The following C5orf34 variants were observed in gnomAD, a reference collection of about 807,000 sequenced individuals.
C5orf34 encodes the protein chromosome 5 open reading frame 34.
C5orf34 carries 73 observed loss-of-function variants against 78.4 expected under a neutral mutation model. The observed-to-expected ratio is 0.93, with a 90% CI of 0.77 to 1.13. The LOEUF is 1.13. C5orf34 is among the 50% of genes most tolerant of loss of function. The probability of loss-of-function intolerance (pLI) is 0.00; values close to 1 mark genes in which losing one functional copy is unlikely to be tolerated. For missense variants in C5orf34, 730 were observed against 732.7 expected, an observed-to-expected ratio of 1.00 and a Z score of 0.04; for synonymous variants, 251 against 246.6, an observed-to-expected ratio of 1.02 and a Z score of -0.17.
intron 3 of C5orf34, 43 bp from the exon 4 acceptor site, chr5:43,506,437 A>G: frequency 1.3e-6 from 2 of 1,519,776 alleles, no homozygotes; most frequent in Non-Finnish European, 1.8e-6. Context: ...TTTTCTGTTA[A>G]CAGTCCAATT....
rs755120112 is a variant in C5orf34, at chr5:43,493,556, C to G, written c.1301G>C (p.Cys434Ser). Residue 434 changes from cysteine to serine, a missense_variant, in exon 8 of 13, where the codon TGC becomes TCC. Coordinates refer to ENST00000306862, the MANE Select transcript of C5orf34 (RefSeq NM_198566.4). ...RLSLSHNYRI[C>S]CWKMVPGIND... Reference sequence around the variant, plus strand: ...ATTTTAACATACCATTTTCCAGCAGCATATACGATAGTTATGGCTTAAAGA... The same window carrying G: ...ATTTTAACATACCATTTTCCAGCAGGATATACGATAGTTATGGCTTAAAGA... The G allele has an allele frequency of 7.0e-6, 11 of 1,560,514 alleles. No individual in the cohort carries two copies. Among genetic ancestry groups the G allele is most frequent in the Non-Finnish European group, 9.6e-6 (11 of 1,142,422 alleles).
intron 3 of C5orf34, among the ~76,000 whole-genome samples, chr5:43,507,875 G>A (rs2112326681): frequency 6.6e-6 from 1 of 152,102 alleles, no homozygotes; most frequent in East Asian, 1.9e-4. Flanking sequence ...TCAGGAGATC[G>A]AGACCATGCT....
intron 11 of C5orf34, 185 bp from the exon 12 acceptor site, chr5:43,488,134 C>A: frequency 1.8e-6 from 1 of 571,210 alleles, no homozygotes; most frequent in Non-Finnish European, 3.1e-6. Flanking sequence ...TTACTGAGTG[C>A]CTTTAAAGGT....
chr5:43,495,155 C>A (rs1333819694), intron 6 of C5orf34: 6 of 1,607,812 alleles, frequency 3.7e-6, no homozygotes. Flanking sequence ...TTTGATGACA[C>A]CCACCGCAAC....
At chr5:43,488,898 T>C (rs34211578) in intron 11 of C5orf34, among the ~76,000 whole-genome samples, 2,092 of 152,228 alleles carry the variant, frequency 0.014, 56 homozygotes, top group East Asian at 0.13. Context: ...CAGTTCGTAG[T>C]AGGTTGTGTG....
intron 10 of C5orf34, among the ~76,000 whole-genome samples, chr5:43,491,090 A>T (rs1745261513): frequency 6.6e-6 from 1 of 152,322 alleles, no homozygotes; most frequent in South Asian, 2.1e-4. Flanking sequence ...TTCACACAAA[A>T]TAAGACTGAC....
intron 6 of C5orf34, among the ~76,000 whole-genome samples, chr5:43,501,203 C>T (rs1448290959): frequency 2.0e-5 from 3 of 152,060 alleles, no homozygotes. Flanking sequence ...ATACAGCAGT[C>T]AGCAATATGA....
chr5:43,505,369 A>T lies in C5orf34; in HGVS notation c.932+379T>A, dbSNP rs570563981. Among the ~76,000 whole-genome samples, 13 of 152,356 alleles carry T rather than the reference A, an allele frequency of 8.5e-5. No individual in the cohort carries two copies. The South Asian group carries it at 2.1e-3, about 24-fold the overall frequency. On this transcript the variant is annotated intron_variant, in intron 4 of 12. Transcript: ENST00000306862. ...GTCACGGGCTCCAGTGAGCGGCAGC[A>T]GGTGCTCCCCTGGGCCCACAGAGCC... is the stretch of plus-strand genomic sequence containing the variant.
At chr5:43,495,186 C>T in intron 6 of C5orf34, 1 of 1,611,370 alleles carries the variant, frequency 6.2e-7, no homozygotes, top group East Asian at 2.2e-5. Context: ...ATATCACGAA[C>T]AGCAAAATGA....
chr5:43,492,043 A>G (rs1245072633), intron 10 of C5orf34, among the ~76,000 whole-genome samples, 172 bp downstream of exon 10: 1 of 150,186 alleles, frequency 6.7e-6, no homozygotes, highest in African/African-American at 2.4e-5. Flanking sequence ...TGATCTATTT[A>G]GTTATGCTAA....
At chr5:43,496,320 C>T in intron 6 of C5orf34, 1 of 1,585,568 alleles carries the variant, frequency 6.3e-7, no homozygotes, top group Non-Finnish European at 8.6e-7. Context: ...TCTCAGCAGC[C>T]TCCTTCTCAA....
rs192577001 is a variant in C5orf34 at position 43,502,505 on chromosome 5, A to G, written c.1029-10T>C. 9,847 of 1,503,410 alleles carry G rather than the reference A, an allele frequency of 6.5e-3. 47 individuals carry two copies. Among genetic ancestry groups the G allele is most frequent in the Non-Finnish European group, 8.0e-3 (8,792 of 1,105,610 alleles). The allele number at this position is 1,503,410 out of a possible 1,614,324, so 93.1% of individuals were successfully genotyped here. The stretch of plus-strand genomic sequence containing the variant: ...ATTTTGATGGGTAAGTCTAAGAAAT[A>G]GAAATAACCATTAAAAATTTTTTTC... On this transcript the variant is annotated splice_polypyrimidine_tract_variant and intron_variant, in intron 5 of 12. Coordinates refer to ENST00000306862, the MANE Select transcript of C5orf34 (RefSeq NM_198566.4).
intron 10 of C5orf34, among the ~76,000 whole-genome samples, chr5:43,491,030 A>C (rs944123147): frequency 6.6e-6 from 1 of 152,200 alleles, no homozygotes; most frequent in African/African-American, 2.4e-5. Context: ...AAATGTTCTA[A>C]TTCTTTTAGT....
Position 43,506,054 on chromosome 5 carries a change from A to T in C5orf34, c.626T>A (p.Leu209Ter). 1 of 1,614,124 alleles carries T rather than the reference A, an allele frequency of 6.2e-7. No homozygotes were observed. Residue 209 changes from leucine (L) to a stop codon, truncating the protein, a stop_gained, in exon 4 of 13, where the codon TTA becomes TAA. Coordinates refer to ENST00000306862, the MANE Select transcript of C5orf34 (RefSeq NM_198566.4). LOFTEE classifies it high-confidence loss of function. ...HCQIMKSKET[L>*]KKMSCVNGTE... is the part of the protein sequence containing the mutation. ...TCCATTTACACAACTCATCTTCTTT[A>T]AAGTTTCTTTGGATTTCATGATCTG...
chr5:43,487,043 G>T lies in C5orf34; in HGVS notation c.1789C>A (p.His597Asn), dbSNP rs1745098924. 6.3e-7 allele frequency: 1 copy of T among 1,585,118 alleles called. No homozygotes were observed. The highest frequency in any genetic ancestry group is 2.3e-5 in the East Asian group (1 of 43,096). The change falls in exon 13 of 13, where the codon CAT becomes AAT. Residue 597 changes from histidine to asparagine, a missense_variant. Transcript: ENST00000306862. ...GTTTCTGAAGATCCTGGTTTATAAT[G>T]ATCAAAAGACTGTTGTTCATTTTTC... ...NKKNEQQSFD[H>N]YKPGSSETLL... is the part of the protein sequence containing the mutation.
chr5:43,509,701 T>C (rs1746140961), intron 1 of C5orf34, among the ~76,000 whole-genome samples: 1 of 152,256 alleles, frequency 6.6e-6, no homozygotes, highest in Non-Finnish European at 1.5e-5. Context: ...TTATAACTTC[T>C]AGAAGTTTAC....
At position 43,502,435 on chromosome 5, in the gene C5orf34, T is replaced by C. The variant is rs754271735; in HGVS notation, c.1089A>G (p.Lys363=). The C allele has an allele frequency of 6.3e-7, 1 of 1,597,626 alleles. No individual in the cohort carries two copies. Among genetic ancestry groups the C allele is most frequent in the Non-Finnish European group, 8.6e-7 (1 of 1,165,792 alleles). ...AGTTCCCAAAATAAGCCCCTTCTGA[T>C]TTGAAAACAGATCCATCCCCAGAAT... is the stretch of plus-strand genomic sequence containing the variant. The part of the protein sequence containing the change: ...EIYSGDGSVF[K]SEGAYFGNYF... Residue 363 remains lysine (K), a synonymous_variant, in exon 6 of 13, where the codon AAA becomes AAG. Transcript: ENST00000306862.
intron 12 of C5orf34, among the ~76,000 whole-genome samples, chr5:43,487,556 G>T (rs1745113815): frequency 6.6e-6 from 1 of 152,058 alleles, no homozygotes; most frequent in South Asian, 2.1e-4. Context: ...AACAAATTTA[G>T]ATGAATTGGG....
chr5:43,492,257 T>C lies in C5orf34; in HGVS notation c.1538A>G (p.Gln513Arg). 6.2e-7 allele frequency: 1 copy of C among 1,612,586 alleles called. No individual in the cohort carries two copies. The highest frequency in any genetic ancestry group is 8.5e-7 in the Non-Finnish European group (1 of 1,179,296). ...GWCKLTFPDG[Q>R]EQLIQIEHPE... ...GTGTTCAATCTGAATTAACTGCTCT[T>C]GTCCATCAGGAAAAGTTAACTTACA... The change falls in exon 10 of 13, where the codon CAA becomes CGA. Residue 513 changes from glutamine (Q) to arginine (R), a missense_variant. Transcript: ENST00000306862.
Sources: gnomAD v4.1 joint callset for allele counts (sites outside exome capture counted in the v4.1 genomes callset) on GRCh38, gnomAD v4.1.1 for gene constraint, MANE v1.5 for transcripts, NCBI Gene and HGNC (gene_info 2026-07-23, HGNC 2026-07-21) for gene names.